Variants in DOCK1 observed in about 807,000 individuals in gnomAD.
The protein encoded by DOCK1 is dedicator of cytokinesis 1.
A neutral mutation model predicts 262.7 loss-of-function variants in DOCK1; 138 were observed. The ratio of observed to expected loss-of-function variants is 0.53; its 90% CI spans 0.46 to 0.61. DOCK1 has a LOEUF of 0.61. DOCK1 is among the 20% of genes least tolerant of loss of function. DOCK1 has a pLI of 0.00. For synonymous variants in DOCK1, 866 were observed against 867.4 expected (o/e 1.00, Z 0.03); for missense variants, 1,908 against 2,370.7 (o/e 0.80, Z 4.05).
At chr10:127,325,897 G>A (rs758044017) in intron 29 of DOCK1, among the ~76,000 whole-genome samples, 8 of 152,080 alleles carry the variant, frequency 5.3e-5, no homozygotes, top group Non-Finnish European at 1.2e-4. Flanking sequence ...AGACCACCAC[G>A]AAAAAGTGAA....
chr10:127,384,925 C>CA lies in DOCK1; in HGVS notation c.3927+18dup. 1 of 1,572,436 alleles carries CA rather than the reference C, an allele frequency of 6.4e-7. No individual in the cohort carries two copies. The highest frequency in any genetic ancestry group is 8.6e-7 in the Non-Finnish European group (1 of 1,163,276). The stretch of plus-strand genomic sequence containing the variant: ...CAAAGGCAAGGTAAAACACAAAAAG[C>CA]AATTGTCCTTGTTTTCCTCTTTCCA... On this transcript the variant is annotated intron_variant, in intron 38 of 51. Transcript: ENST00000623213.
intron 27 of DOCK1, among the ~76,000 whole-genome samples, chr10:127,185,772 GGTT>G (rs1488691176): frequency 1.3e-5 from 2 of 152,294 alleles, no homozygotes; most frequent in East Asian, 3.9e-4. Context: ...TACCTTGAGT[GGTT>G]GTTGTACAAA....
At chr10:126,990,678 C>A in intron 6 of DOCK1, 75 bp downstream of exon 6, 1 of 1,479,176 alleles carries the variant, frequency 6.8e-7, no homozygotes. Context: ...TTCAGGAGAC[C>A]AAGATCATAT....
Position 127,026,366 on chromosome 10 carries a change from C to G in DOCK1, c.1566C>G (p.Ile522Met). The G allele has an allele frequency of 6.4e-7, 1 of 1,569,960 alleles. No individual in the cohort carries two copies. The highest frequency in any genetic ancestry group is 8.7e-7 in the Non-Finnish European group (1 of 1,156,010). ...WFETVKVAIP[I>M]EDVNRSHLRF... ...AATTCTTGAAGGTGGCCATTCCCAT[C>G]GAGGACGTTAACCGCAGTCACCTTC... is the stretch of plus-strand genomic sequence containing the variant. Residue 522 changes from isoleucine to methionine, a missense_variant, in exon 16 of 52, where the codon ATC (isoleucine) becomes ATG (methionine). Ile to Met is a conservative substitution (Grantham distance 10). Coordinates refer to ENST00000623213, the MANE Select transcript of DOCK1 (RefSeq NM_001290223.2).
At chr10:127,131,603 C>G (rs1167491337) in intron 27 of DOCK1, among the ~76,000 whole-genome samples, 1 of 152,130 alleles carries the variant, frequency 6.6e-6, no homozygotes, top group Admixed American at 6.5e-5. Context: ...GAAATGCTAC[C>G]CTGTTTAGGA....
At chr10:127,298,592 G>A (rs12767483) in intron 29 of DOCK1, among the ~76,000 whole-genome samples, 23,369 of 152,104 alleles carry the variant, frequency 0.15, 2,111 homozygotes, top group African/African-American at 0.24. Context: ...AAATTGTCTC[G>A]TGACTGAGGT....
chr10:127,418,280 C>G, intron 44 of DOCK1, 85 bp from the exon 45 acceptor site: 1 of 1,420,394 alleles, frequency 7.0e-7, no homozygotes, highest in Non-Finnish European at 9.3e-7. Context: ...AGGAAGCCTG[C>G]CCCAGAGCAC....
intron 12 of DOCK1, among the ~76,000 whole-genome samples, chr10:127,017,054 C>CACACACAG (rs1227509108): frequency 1.4e-5 from 2 of 142,704 alleles, no homozygotes; most frequent in African/African-American, 5.5e-5. Flanking sequence ...CACACACACA[C>CACACACAG]ACACAGATGC....
At chr10:127,442,841 C>A (rs11018092) in intron 49 of DOCK1, among the ~76,000 whole-genome samples, 1 of 151,946 alleles carries the variant, frequency 6.6e-6, no homozygotes, top group Admixed American at 6.5e-5. Flanking sequence ...TCCTTGCTGG[C>A]TATCTGCATG....
chr10:126,958,887 C>T lies in DOCK1; in HGVS notation c.47-11815C>T, dbSNP rs1018480164. On this transcript the variant is annotated intron_variant, in intron 1 of 51. Coordinates refer to ENST00000623213, the MANE Select transcript of DOCK1 (RefSeq NM_001290223.2). Reference sequence around the variant, plus strand: ...GAGCCAAATATGAGTGACCATGGCCCGTGACACAGCCCTCAGGAGGTCCTG... The same window carrying T: ...GAGCCAAATATGAGTGACCATGGCCTGTGACACAGCCCTCAGGAGGTCCTG... Among the ~76,000 whole-genome samples, 28 of 152,298 alleles carry T rather than the reference C, an allele frequency of 1.8e-4. No individual in the cohort carries two copies. The East Asian group carries it at 3.7e-3, about 20-fold the overall frequency.
intron 29 of DOCK1, among the ~76,000 whole-genome samples, chr10:127,296,699 AT>A (rs2061516962): frequency 6.6e-6 from 1 of 152,176 alleles, no homozygotes; most frequent in Non-Finnish European, 1.5e-5. Flanking sequence ...TGCACAGCTG[AT>A]TCCAGGACAA....
chr10:127,190,461 A>T (rs967096445), intron 27 of DOCK1, among the ~76,000 whole-genome samples: 4 of 152,178 alleles, frequency 2.6e-5, no homozygotes, highest in African/African-American at 9.7e-5. Context: ...TAGCCTCATT[A>T]AATATTTATT....
At chr10:127,414,661 C>T (rs76929657) in intron 43 of DOCK1, among the ~76,000 whole-genome samples, 12,676 of 152,172 alleles carry the variant, frequency 0.083, 733 homozygotes, top group Non-Finnish European at 0.13. Context: ...ATATTAGTTA[C>T]GTCAAAACAT....
At chr10:126,994,932 C>A (rs890984675) in intron 6 of DOCK1, among the ~76,000 whole-genome samples, 3 of 149,368 alleles carry the variant, frequency 2.0e-5, no homozygotes, top group Non-Finnish European at 1.5e-5. Context: ...AACGGGGTGG[C>A]TGCCGGGTGG....
At chr10:127,008,200 C>G (rs1018955507) in intron 10 of DOCK1, among the ~76,000 whole-genome samples, 4 of 152,112 alleles carry the variant, frequency 2.6e-5, no homozygotes, top group African/African-American at 7.2e-5. Context: ...TGGGCCCAAG[C>G]AAGTCTCCCA....
At position 127,221,595 on chromosome 10, in the gene DOCK1, A is replaced by G. The variant is rs7091366; in HGVS notation, c.2848-26413A>G. 6.2e-3 allele frequency among the ~76,000 whole-genome samples: 947 copies of G among 152,214 alleles called. 12 individuals are homozygous for G. The highest frequency in any genetic ancestry group is 0.021 in the African/African-American group (880 of 41,532). Reference sequence around the variant, plus strand: ...GTCAGCTACTTTTATCCTTTGATCAATTGCTCCAGGGCTCATAATACATGA... The same window carrying G: ...GTCAGCTACTTTTATCCTTTGATCAGTTGCTCCAGGGCTCATAATACATGA... On this transcript the variant is annotated intron_variant, in intron 27 of 51. Transcript: ENST00000623213.
At chr10:126,951,482 T>G (rs2036237121) in intron 1 of DOCK1, among the ~76,000 whole-genome samples, 2 of 149,792 alleles carry the variant, frequency 1.3e-5, no homozygotes, top group Non-Finnish European at 3.0e-5. Context: ...ATTCGTAGTA[T>G]TGTTGGTGAT....
chr10:127,322,153 G>A (rs976604958), intron 29 of DOCK1, among the ~76,000 whole-genome samples: 2 of 150,688 alleles, frequency 1.3e-5, no homozygotes, highest in Non-Finnish European at 2.9e-5. Context: ...GATAGGCCAT[G>A]GCAGATTGGC....
intron 2 of DOCK1, among the ~76,000 whole-genome samples, 152 bp from the exon 3 acceptor site, chr10:126,977,796 A>G (rs1284516162): frequency 2.6e-5 from 4 of 152,166 alleles, no homozygotes; most frequent in African/African-American, 9.7e-5. Context: ...ACCACGTAGT[A>G]TATCTCCAAA....
Sources: allele counts gnomAD v4.1 joint callset (sites outside exome capture counted in the v4.1 genomes callset), GRCh38; gene constraint gnomAD v4.1.1; transcripts MANE v1.5; gene names NCBI Gene and HGNC (gene_info 2026-07-23, HGNC 2026-07-21).